Variants in CACNG6 observed in about 807,000 individuals in gnomAD.
CACNG6 encodes the protein voltage-dependent calcium channel gamma-6 subunit.
CACNG6 carries 21 observed loss-of-function variants against 23.9 expected under a neutral mutation model. The ratio of observed to expected loss-of-function variants is 0.88; its 90% CI spans 0.62 to 1.26. The LOEUF (loss-of-function observed/expected upper bound fraction) is 1.26, where lower values mean the gene tolerates loss of function less well. Ranked by LOEUF, CACNG6 falls within the 50% of genes most tolerant of loss-of-function variation. The pLI is 0.00. For missense variants in CACNG6, 340 were observed against 352.9 expected (o/e 0.96, Z 0.29); for synonymous variants, 182 against 168.9 (o/e 1.08, Z -0.60).
In CACNG6 at chr19:53,993,063, G is replaced by A. The variant is rs984405608; in HGVS notation, c.186G>A (p.Trp62Ter). The change falls in exon 1 of 4, where the codon TGG becomes TGA. Residue 62 changes from tryptophan (W) to a stop codon, truncating the protein, a stop_gained. Coordinates refer to ENST00000252729, the MANE Select transcript of CACNG6 (RefSeq NM_145814.2). LOFTEE classifies it high-confidence loss of function. Reference protein sequence around the residue: ...LAVLSVGTEFWVELNTYKANG... With the variant: ...LAVLSVGTEF ...TGCTGTCCGTGGGCACCGAGTTCTG[G>A]GTGGAGCTCAACACCTACAAGGCCA... is the stretch of plus-strand genomic sequence containing the variant. 75 of 1,530,448 alleles carry A rather than the reference G, an allele frequency of 4.9e-5. No homozygotes were observed. Among genetic ancestry groups the A allele is most frequent in the Non-Finnish European group, 6.1e-5 (69 of 1,138,094 alleles). The allele number at this position is 1,530,448 out of a possible 1,614,324, so 94.8% of individuals were successfully genotyped here.
intron 3 of CACNG6, among the ~76,000 whole-genome samples, chr19:54,010,634 G>A (rs894128018): frequency 6.6e-6 from 1 of 151,940 alleles, no homozygotes; most frequent in African/African-American, 2.4e-5. Flanking sequence ...GAGTGTACTG[G>A]TGTGATCACG....
At position 54,004,336 on chromosome 19, in the gene CACNG6, TGTGTGTGTGTG is replaced by T. The variant is rs1452616985; in HGVS notation, c.544+4566_544+4576del. 3.9e-3 allele frequency among the ~76,000 whole-genome samples: 116 copies of T among 29,732 alleles called. 1 individual carries two copies. The highest frequency in any genetic ancestry group is 6.1e-3 in the African/African-American group (114 of 18,752). 19.5% of individuals were successfully genotyped at this position (29,732 alleles called of 152,430 possible). A position where few individuals can be genotyped will look rare whatever the true frequency, so the allele number is the denominator to read the frequency against. On this transcript the variant is annotated intron_variant, in intron 3 of 3. Coordinates refer to ENST00000252729, the MANE Select transcript of CACNG6 (RefSeq NM_145814.2). ...CCACGCCTGGTTAATTTTGTATTTT[TGTGTGTGTGTG>T]TGTGTGTGTGTGTGTGTGTGTGTGT... is the stretch of plus-strand genomic sequence containing the variant.
In CACNG6 at chr19:53,993,141, C is replaced by A. The variant is rs774416423; in HGVS notation, c.264C>A (p.Thr88=). The change falls in exon 1 of 4, where the codon ACC becomes ACA. Residue 88 remains threonine, a synonymous_variant. Coordinates refer to ENST00000252729, the MANE Select transcript of CACNG6 (RefSeq NM_145814.2). ...ACCTGGGGCTGTGGAAGGCGTGCACCAAGCGGCTGTGGCAGGCGGACGTGC... is the reference window on the plus strand; with the variant it reads ...ACCTGGGGCTGTGGAAGGCGTGCACAAAGCGGCTGTGGCAGGCGGACGTGC... ...AAHLGLWKAC[T]KRLWQADVPV... The A allele has an allele frequency of 1.3e-6, 2 of 1,548,160 alleles. No homozygotes were observed. The highest frequency in any genetic ancestry group is 2.4e-5 in the South Asian group (2 of 84,002).
intron 1 of CACNG6, among the ~76,000 whole-genome samples, chr19:53,993,841 G>A (rs762428446): frequency 7.3e-5 from 11 of 150,582 alleles, no homozygotes; most frequent in Middle Eastern, 3.4e-3. Flanking sequence ...CAAAGTCCCT[G>A]CCCCCACACA....
chr19:54,005,299 G>A (rs1272219032), intron 3 of CACNG6, among the ~76,000 whole-genome samples: 1 of 149,868 alleles, frequency 6.7e-6, no homozygotes, highest in Non-Finnish European at 1.5e-5. Flanking sequence ...GGTGGCTCAC[G>A]CCTGCAATCC....
intron 2 of CACNG6, among the ~76,000 whole-genome samples, chr19:53,998,888 G>T (rs1055942457): frequency 1.3e-5 from 2 of 152,060 alleles, no homozygotes; most frequent in African/African-American, 4.8e-5. Flanking sequence ...CCTCTCTGTG[G>T]GTAGCACTTG....
chr19:53,998,189 G>T (rs376406347), intron 1 of CACNG6, 50 bp from the exon 2 acceptor site: 2 of 1,530,552 alleles, frequency 1.3e-6, no homozygotes, highest in South Asian at 1.1e-5. Flanking sequence ...CTGAGCTTAC[G>T]CAAGGGACCT....
At chr19:53,998,395 C>T in intron 2 of CACNG6, 82 bp downstream of exon 2, 2 of 1,259,996 alleles carry the variant, frequency 1.6e-6, no homozygotes, top group Middle Eastern at 1.9e-4. Flanking sequence ...GAGTTATCCC[C>T]TCCTCTGCTT....
chr19:54,010,988 G>T (rs1303463613), intron 3 of CACNG6, among the ~76,000 whole-genome samples: 2 of 151,542 alleles, frequency 1.3e-5, no homozygotes, highest in Non-Finnish European at 1.5e-5. Flanking sequence ...AGGGCAATTA[G>T]CCTATCCACC....
intron 3 of CACNG6, among the ~76,000 whole-genome samples, chr19:54,011,246 A>ACACACACAC (rs58218407): frequency 1.5e-5 from 2 of 137,428 alleles, no homozygotes; most frequent in African/African-American, 2.9e-5. Flanking sequence ...ACACACACAC[A>ACACACACAC]AAAATTAGCC....
At chr19:54,004,775 C>T (rs1439059141) in intron 3 of CACNG6, among the ~76,000 whole-genome samples, 3 of 152,118 alleles carry the variant, frequency 2.0e-5, no homozygotes, top group Non-Finnish European at 4.4e-5. Flanking sequence ...CGTTCTTCCG[C>T]CGGCGCTTCA....
At chr19:54,009,068 C>T (rs542488401) in intron 3 of CACNG6, among the ~76,000 whole-genome samples, 3 of 152,174 alleles carry the variant, frequency 2.0e-5, no homozygotes, top group Admixed American at 6.5e-5. Context: ...GTGAGTGGAT[C>T]GCTTGAGGTC....
chr19:54,004,224 G>T (rs571199168), intron 3 of CACNG6, among the ~76,000 whole-genome samples: 2 of 151,906 alleles, frequency 1.3e-5, no homozygotes, highest in South Asian at 4.2e-4. Context: ...GCAATGGCAC[G>T]ATCTCGACTC....
At chr19:53,997,376 G>A (rs2069531019) in intron 1 of CACNG6, among the ~76,000 whole-genome samples, 1 of 151,574 alleles carries the variant, frequency 6.6e-6, no homozygotes, top group African/African-American at 2.4e-5. Context: ...CTGACTCCAT[G>A]TTACTTATAA....
intron 3 of CACNG6, among the ~76,000 whole-genome samples, chr19:54,006,288 C>T (rs78260893): frequency 6.6e-6 from 1 of 151,008 alleles, no homozygotes; most frequent in Non-Finnish European, 1.5e-5. Flanking sequence ...TTTATTTATG[C>T]CCGTATTCAT....
intron 2 of CACNG6, among the ~76,000 whole-genome samples, chr19:53,998,916 C>T (rs2069548620): frequency 6.6e-6 from 1 of 152,186 alleles, no homozygotes; most frequent in Non-Finnish European, 1.5e-5. Flanking sequence ...CACAAACCTG[C>T]AGGCATCAAG....
chr19:54,011,227 T>TACACACACACAC lies in CACNG6; in HGVS notation c.545-716_545-705dup, dbSNP rs1555819814. Reference sequence around the variant, plus strand: ...AAAAATATATATATATATATATATATACACACACACACACACACAAAAATT... The same window carrying TACACACACACAC: ...AAAAATATATATATATATATATATATACACACACACACACACACACACACACACACAAAAATT... On this transcript the variant is annotated intron_variant, in intron 3 of 3. Coordinates refer to ENST00000252729, the MANE Select transcript of CACNG6 (RefSeq NM_145814.2). Among the ~76,000 whole-genome samples, 189 of 95,248 alleles carry TACACACACACAC rather than the reference T, an allele frequency of 2.0e-3. 7 individuals carry two copies. Among genetic ancestry groups the TACACACACACAC allele is most frequent in the African/African-American group, 9.1e-3 (158 of 17,272 alleles). 62.5% of individuals were successfully genotyped at this position (95,248 alleles called of 152,430 possible).
chr19:54,006,105 A>C (rs2069641287), intron 3 of CACNG6, among the ~76,000 whole-genome samples: 1 of 149,996 alleles, frequency 6.7e-6, no homozygotes, highest in African/African-American at 2.4e-5. Flanking sequence ...TAAATAAATA[A>C]ATAAATAAAT....
At chr19:53,996,491 C>T (rs2069522603) in intron 1 of CACNG6, among the ~76,000 whole-genome samples, 1 of 151,602 alleles carries the variant, frequency 6.6e-6, no homozygotes, top group African/African-American at 2.4e-5. Flanking sequence ...TTCCCGGGTT[C>T]AAGCGACTCT....
Sources: allele counts gnomAD v4.1 joint callset (sites outside exome capture counted in the v4.1 genomes callset), GRCh38; gene constraint gnomAD v4.1.1; transcripts MANE v1.5; gene names NCBI Gene and HGNC (gene_info 2026-07-23, HGNC 2026-07-21).